The following JAK3 variants were observed in gnomAD, a reference collection of about 807,000 sequenced individuals.
The protein encoded by JAK3 is tyrosine-protein kinase JAK3.
A neutral mutation model predicts 120.8 loss-of-function variants in JAK3; 88 were observed. That is an observed-to-expected ratio of 0.73 (90% CI 0.61 to 0.87). The LOEUF (loss-of-function observed/expected upper bound fraction) is 0.87. Among genes scored for constraint, JAK3 ranks in the 40% least tolerant of loss-of-function variants. The pLI is 0.00. For missense variants in JAK3, 1,254 were observed against 1,501.4 expected (o/e 0.84, Z 2.72); for synonymous variants, 592 against 628.6 (o/e 0.94, Z 0.87).
Position 17,841,285 on chromosome 19 carries a change from T to C in JAK3, c.1142+104A>G. 2.4e-6 allele frequency: 3 copies of C among 1,242,494 alleles called. No homozygotes were observed. The highest frequency in any genetic ancestry group is 3.3e-6 in the Non-Finnish European group (3 of 899,636). 77.0% of individuals were successfully genotyped at this position (1,242,494 alleles called of 1,614,324 possible). On this transcript the variant is annotated intron_variant, in intron 8 of 23. Coordinates refer to ENST00000458235, the MANE Select transcript of JAK3 (RefSeq NM_000215.4). This position sits in a 1 kb window ranked among gnomAD's most constrained non-coding sequence, Gnocchi z 4.1. The stretch of plus-strand genomic sequence containing the variant: ...TGTGCGGCAGGTGTGGTTTGAAAAC[T>C]TGACCCCTGTCCAGGGCTCCTGGAA...
chr19:17,845,521 C>A (rs531203712), intron 1 of JAK3, among the ~76,000 whole-genome samples: 6 of 152,224 alleles, frequency 3.9e-5, no homozygotes, highest in African/African-American at 1.4e-4. Context: ...AAAAAAAAGC[C>A]TTGTAATCCC....
chr19:17,830,439 T>G, intron 22 of JAK3, 64 bp downstream of exon 22: 1 of 1,316,188 alleles, frequency 7.6e-7, no homozygotes, highest in Non-Finnish European at 1.1e-6. Flanking sequence ...GCAGACAGGT[T>G]GGAGATTGGC....
intron 13 of JAK3, 121 bp downstream of exon 13, chr19:17,837,008 C>G: frequency 1.4e-6 from 1 of 729,232 alleles, no homozygotes; most frequent in Middle Eastern, 3.6e-4. Flanking sequence ...GAACACGGCT[C>G]CCATCCAGGG....
At position 17,836,001 on chromosome 19, in the gene JAK3, G is replaced by T. The variant is rs149316157; in HGVS notation, c.1837C>A (p.Arg613=). ...GCTGGCACCAGGTGGCCACGTTTTC[G>T]CAGATACATGTCTATGGCCCCCAGG... ...VHLGAIDMYL[R]KRGHLVPASW... is the part of the protein sequence containing the mutation. Residue 613 remains arginine (R), a synonymous_variant, in exon 14 of 24, where the codon CGA becomes AGA. Coordinates refer to ENST00000458235, the MANE Select transcript of JAK3 (RefSeq NM_000215.4). 3.1e-5 allele frequency: 50 copies of T among 1,613,990 alleles called. No homozygotes were observed. Among genetic ancestry groups the T allele is most frequent in the Non-Finnish European group, 3.9e-5 (46 of 1,180,052 alleles).
rs561473537 is a variant in JAK3, at chr19:17,842,059, C to T, written c.861+257G>A. 6.6e-6 allele frequency among the ~76,000 whole-genome samples: 1 copy of T among 152,020 alleles called. No homozygotes were observed. Among genetic ancestry groups the T allele is most frequent in the South Asian group, 2.1e-4 (1 of 4,814 alleles). On this transcript the variant is annotated intron_variant, in intron 6 of 23. Coordinates refer to ENST00000458235, the MANE Select transcript of JAK3 (RefSeq NM_000215.4). This position sits in a 1 kb window ranked among gnomAD's most constrained non-coding sequence, Gnocchi z 6.4. ...AGCCTCACTCTGCCTCTTAGTCTTG[C>T]CTCGTTCCAGCGCCCACCCACCCAC...
At position 17,836,044 on chromosome 19, in the gene JAK3, C is replaced by G. The variant is rs138143146; in HGVS notation, c.1794G>C (p.Met598Ile). 177 of 1,613,382 alleles carry G rather than the reference C, an allele frequency of 1.1e-4. 1 individual carries two copies. Among genetic ancestry groups the G allele is most frequent in the Non-Finnish European group, 1.3e-4 (159 of 1,180,040 alleles). ...HGVCMAGDST[M>I]VQEFVHLGAI... ...CCCCCAGGTGTACAAATTCCTGCACCATGGTGCCTGGTTGGCAGCAGGGAG... is the reference window on the plus strand; with the variant it reads ...CCCCCAGGTGTACAAATTCCTGCACGATGGTGCCTGGTTGGCAGCAGGGAG... The change falls in exon 14 of 24, where the codon ATG (methionine) becomes ATC (isoleucine). Residue 598 changes from methionine to isoleucine, a missense_variant. Transcript: ENST00000458235.
In JAK3 at chr19:17,834,869, C is replaced by T; in HGVS notation, c.2182G>A (p.Ala728Thr). ...VFSGVTMPIS[A>T]LDPAKKLQFY... The stretch of plus-strand genomic sequence containing the variant: ...GCTCTGACCTTAGCAGGATCCAGGG[C>T]ACTGATGGGCATGGTGACGCCACTA... The change falls in exon 16 of 24, where the codon GCC becomes ACC. Residue 728 changes from alanine to threonine, a missense_variant. By Grantham distance (58) the Ala-to-Thr change is moderately conservative (BLOSUM62 0). Around this residue, in one of 3 missense-constraint regions of JAK3, gnomAD observed 630 missense variants for 819.8 expected, o/e 0.77. Coordinates refer to ENST00000458235, the MANE Select transcript of JAK3 (RefSeq NM_000215.4). 1 of 1,614,160 alleles carries T rather than the reference C, an allele frequency of 6.2e-7. No homozygotes were observed. The highest frequency in any genetic ancestry group is 8.5e-7 in the Non-Finnish European group (1 of 1,180,024).
chr19:17,839,336 T>C, intron 10 of JAK3, 141 bp downstream of exon 10: 1 of 803,862 alleles, frequency 1.2e-6, no homozygotes, highest in Non-Finnish European at 2.1e-6. Context: ...TCTAACTTCC[T>C]GAGCCAACAA....
At position 17,841,652 on chromosome 19, in the gene JAK3, G is replaced by A. The variant is rs754490874; in HGVS notation, c.972C>T (p.Asp324=). The A allele has an allele frequency of 1.9e-6, 3 of 1,613,864 alleles. No homozygotes were observed. Among genetic ancestry groups the A allele is most frequent in the Admixed American group, 1.7e-5 (1 of 59,996 alleles). Residue 324 remains aspartate (D), a synonymous_variant, in exon 7 of 24, where the codon GAC becomes GAT. Transcript: ENST00000458235. The surrounding 1 kb of genome is among the most constrained non-coding windows in gnomAD (Gnocchi z 4.1). ...ATCCTGCACCCACTAAAATCTGGTT[G>A]TCTGTCCTGGTAACAGTGACCAGGC... ...EHRLVTVTRT[D]NQILEAEFPG...
In JAK3 at chr19:17,831,543, C is replaced by T; in HGVS notation, c.2805+131G>A. 1 of 1,502,382 alleles carries T rather than the reference C, an allele frequency of 6.7e-7. No homozygotes were observed. Among genetic ancestry groups the T allele is most frequent in the South Asian group, 1.2e-5 (1 of 84,222 alleles). 93.1% of individuals were successfully genotyped at this position (1,502,382 alleles called of 1,614,324 possible). A position where few individuals can be genotyped will look rare whatever the true frequency, so the allele number is the denominator to read the frequency against. On this transcript the variant is annotated intron_variant, in intron 20 of 23. Coordinates refer to ENST00000458235, the MANE Select transcript of JAK3 (RefSeq NM_000215.4). The surrounding 1 kb of genome is among the most constrained non-coding windows in gnomAD (Gnocchi z 5.1). ...TCCACTGAAGTTCTGATCCTGAGCC[C>T]TAAGCCAACCCCACCACTCCCGAGA...
chr19:17,829,666 AG>A (rs1460569258), intron 23 of JAK3: 1 of 247,720 alleles, frequency 4.0e-6, no homozygotes, highest in African/African-American at 2.2e-5. Context: ...ACACTGAACT[AG>A]GGGAATCACT....
At chr19:17,836,633 C>A in intron 13 of JAK3, 1 of 393,118 alleles carries the variant, frequency 2.5e-6, no homozygotes. Context: ...ACCCCTCTTC[C>A]TTTCCTAATC....
At position 17,844,434 on chromosome 19, in the gene JAK3, G is replaced by A; in HGVS notation, c.-13-4C>T. 1 of 1,602,562 alleles carries A rather than the reference G, an allele frequency of 6.2e-7. No individual in the cohort carries two copies. The highest frequency in any genetic ancestry group is 1.1e-5 in the South Asian group (1 of 89,268). ...AGGTGCCATGAGTGCAACTTGCCTG[G>A]GGCACAGAGAGAAAAAGCCCCTCAG... On this transcript the variant is annotated splice_polypyrimidine_tract_variant and splice_region_variant and intron_variant, in intron 1 of 23. Coordinates refer to ENST00000458235, the MANE Select transcript of JAK3 (RefSeq NM_000215.4).
chr19:17,827,047 T>C, intron 23 of JAK3, 137 bp from the exon 24 acceptor site: 1 of 944,436 alleles, frequency 1.1e-6, no homozygotes, highest in South Asian at 1.7e-5. Flanking sequence ...TGGCATGATC[T>C]CGGCTCACTG....
rs2094201597 is a variant in JAK3, at chr19:17,825,010, T to G, written c.*1733A>C. 4.5e-6 allele frequency: 1 copy of G among 224,526 alleles called. No individual in the cohort carries two copies. 13.9% of individuals were successfully genotyped at this position (224,526 alleles called of 1,614,324 possible). Reference sequence around the variant, plus strand: ...ATGTGGTAGCTGGAGTTTTGAGAGATGGATAAGAGTTTTCCAAGGAGGCAA... The same window carrying G: ...ATGTGGTAGCTGGAGTTTTGAGAGAGGGATAAGAGTTTTCCAAGGAGGCAA... On this transcript the variant is annotated 3_prime_UTR_variant, in exon 24 of 24. Transcript: ENST00000458235.
Position 17,839,485 on chromosome 19 carries a change from C to T in JAK3, c.1433G>A (p.Arg478Lys), listed in dbSNP as rs2094232293. 1 of 1,582,636 alleles carries T rather than the reference C, an allele frequency of 6.3e-7. No homozygotes were observed. Among genetic ancestry groups the T allele is most frequent in the Admixed American group, 1.8e-5 (1 of 55,140 alleles). The change falls in exon 10 of 24, where the codon AGA becomes AAA. Residue 478 changes from arginine (R) to lysine (K), a missense_variant. Arg to Lys is a conservative substitution (Grantham distance 26). Around this residue, in one of 3 missense-constraint regions of JAK3, gnomAD observed 486 missense variants for 503.0 expected, o/e 0.97. Coordinates refer to ENST00000458235, the MANE Select transcript of JAK3 (RefSeq NM_000215.4). ...GGGAGGAAGGGGCTCACCTTTGGGT[C>T]TGGGGATACAGCAGGAAGTGAGGGT... Reference protein sequence around the residue: ...AVTLTSCCIPRPKEKSNLIVV... With the variant: ...AVTLTSCCIPKPKEKSNLIVV...
rs1456661591 is a variant in JAK3 at position 17,831,161 on chromosome 19, G to A, written c.2978+67C>T. On this transcript the variant is annotated intron_variant, in intron 21 of 23. Transcript: ENST00000458235. The surrounding 1 kb of genome is among the most constrained non-coding windows in gnomAD (Gnocchi z 5.1). ...GGAGCAAAGCAGCGGGAGGGGGCGG[G>A]GGCATGGCTGGGGGCGGAGCCAGAG... is the stretch of plus-strand genomic sequence containing the variant. 1.0e-4 allele frequency: 154 copies of A among 1,540,838 alleles called. No homozygotes were observed. Among genetic ancestry groups the A allele is most frequent in the Non-Finnish European group, 1.3e-4 (144 of 1,129,528 alleles).
At chr19:17,834,106 A>G (rs2094219422) in intron 17 of JAK3, among the ~76,000 whole-genome samples, 1 of 152,026 alleles carries the variant, frequency 6.6e-6, no homozygotes. Flanking sequence ...CCAGCACTTT[A>G]GGAGGTAGAG....
intron 17 of JAK3, among the ~76,000 whole-genome samples, chr19:17,833,583 G>T (rs1449792846): frequency 6.6e-6 from 1 of 151,078 alleles, no homozygotes; most frequent in African/African-American, 2.4e-5. Flanking sequence ...CTGGTGTGGT[G>T]GCTCATGCCT....
Sources: allele counts gnomAD v4.1 joint callset (sites outside exome capture counted in the v4.1 genomes callset), GRCh38; gene constraint gnomAD v4.1.1; regional missense constraint gnomAD v4.1.1; non-coding constraint Gnocchi (gnomAD v3.1); transcripts MANE v1.5; gene names NCBI Gene and HGNC (gene_info 2026-07-23, HGNC 2026-07-21).